ZC4H2: variants seen among roughly 807,000 people sequenced by gnomAD.
ZC4H2 encodes the protein zinc finger C4H2 domain-containing protein.
For synonymous variants in ZC4H2, 84 were observed against 66.3 expected, an observed-to-expected ratio of 1.27 and a Z score of -1.30; for missense variants, 137 against 173.9, an observed-to-expected ratio of 0.79 and a Z score of 1.19.
At chrX:65,005,681 A>T (rs1932640929) in intron 1 of ZC4H2, among the ~76,000 whole-genome samples, 1 of 111,739 alleles carries the variant, frequency 8.9e-6, no homozygotes, top group South Asian at 3.7e-4. Context: ...ACCAAAAGCA[A>T]TGGCAACAAA....
intron 1 of ZC4H2, among the ~76,000 whole-genome samples, chrX:64,938,064 A>G (rs1461925380): frequency 8.9e-6 from 1 of 112,173 alleles, no homozygotes; most frequent in African/African-American, 3.2e-5. Flanking sequence ...GAAAAGACAG[A>G]AGAATCAAAT....
chrX:64,960,134 G>A (rs1931322066), intron 1 of ZC4H2, among the ~76,000 whole-genome samples: 1 of 110,930 alleles, frequency 9.0e-6, no homozygotes, highest in African/African-American at 3.3e-5. Flanking sequence ...TTCATGCCTA[G>A]ATAAATATTC....
intron 1 of ZC4H2, among the ~76,000 whole-genome samples, chrX:64,992,867 A>G (rs191645164): frequency 9.0e-6 from 1 of 111,718 alleles, no homozygotes; most frequent in East Asian, 2.8e-4. Flanking sequence ...CTGGAGCAGA[A>G]TCTTCCCAAA....
At position 64,917,637 on chromosome X, in the gene ZC4H2, G is replaced by T; in HGVS notation, c.*146C>A. ...ATCCCAAGAGCAGAAAGAAATAGGA[G>T]CAAAGTGAGAGAGGGGTTGTGCTTC... is the stretch of plus-strand genomic sequence containing the variant. On this transcript the variant is annotated 3_prime_UTR_variant, in exon 5 of 5. Transcript: ENST00000374839. 1.1e-6 allele frequency: 1 copy of T among 872,622 alleles called. No homozygotes were observed. Among genetic ancestry groups the T allele is most frequent in the Non-Finnish European group, 1.6e-6 (1 of 638,274 alleles). The allele number at this position is 872,622 out of a possible 1,213,427, so 71.9% of individuals were successfully genotyped here. A position where few individuals can be genotyped will look rare whatever the true frequency, so the allele number is the denominator to read the frequency against.
intron 1 of ZC4H2, among the ~76,000 whole-genome samples, chrX:65,022,965 T>A (rs1932848294): frequency 9.0e-6 from 1 of 111,459 alleles, no homozygotes; most frequent in Non-Finnish European, 1.9e-5. Context: ...GATCAGATGG[T>A]TGTAGATGTG....
intron 1 of ZC4H2, among the ~76,000 whole-genome samples, chrX:64,954,699 A>G (rs1373294448): frequency 9.2e-6 from 1 of 108,821 alleles, no homozygotes; most frequent in Non-Finnish European, 1.9e-5. Context: ...CTATAAAATC[A>G]TATCATTTGG....
intron 1 of ZC4H2, among the ~76,000 whole-genome samples, chrX:64,954,390 TTA>T (rs200900040): frequency 2.8e-4 from 20 of 72,143 alleles, no homozygotes; most frequent in Admixed American, 5.8e-4. Flanking sequence ...ATATTTATAA[TTA>T]TATATATATA....
chrX:64,952,971 G>C (rs1462299848), intron 1 of ZC4H2, among the ~76,000 whole-genome samples: 1 of 111,624 alleles, frequency 9.0e-6, no homozygotes, highest in Admixed American at 9.5e-5. Context: ...TACCAAAACA[G>C]AGATATAGAC....
In ZC4H2 at chrX:64,919,152, T is replaced by C; in HGVS notation, c.451A>G (p.Ile151Val). ...GCTGCAGCGGCCAGGGACTCAGGGA[T>C]GGGGGGCTCCTGAGGTTCTGTCTGC... Reference protein sequence around the residue: ...EWQTEPQEPPIPESLAAAAAA... With the variant: ...EWQTEPQEPPVPESLAAAAAA... Residue 151 changes from isoleucine to valine, a missense_variant, in exon 4 of 5, where the codon ATC (isoleucine) becomes GTC (valine). By Grantham distance (29) the Ile-to-Val change is conservative. Coordinates refer to ENST00000374839, the MANE Select transcript of ZC4H2 (RefSeq NM_018684.4). 3 of 1,210,470 alleles carry C rather than the reference T, an allele frequency of 2.5e-6. No homozygotes were observed. The highest frequency in any genetic ancestry group is 2.2e-6 in the Non-Finnish European group (2 of 894,841).
At chrX:65,002,361 C>T (rs976935730) in intron 1 of ZC4H2, among the ~76,000 whole-genome samples, 3 of 108,836 alleles carry the variant, frequency 2.8e-5, no homozygotes, top group Admixed American at 9.5e-5. Flanking sequence ...AGGGGGTCAG[C>T]CCCCGCCCGG....
At chrX:64,972,228 G>C (rs1931805307) in intron 1 of ZC4H2, among the ~76,000 whole-genome samples, 1 of 111,672 alleles carries the variant, frequency 9.0e-6, no homozygotes, top group African/African-American at 3.3e-5. Flanking sequence ...TGGGAGGAAA[G>C]ACAGGGGTAG....
chrX:64,945,365 G>C (rs1165663098), intron 1 of ZC4H2, among the ~76,000 whole-genome samples: 1 of 111,956 alleles, frequency 8.9e-6, no homozygotes, highest in African/African-American at 3.3e-5. Context: ...GGAGTTTGCT[G>C]GTGGTCCACT....
At chrX:65,015,307 A>G (rs1395726167) in intron 1 of ZC4H2, among the ~76,000 whole-genome samples, 1 of 112,060 alleles carries the variant, frequency 8.9e-6, no homozygotes, top group Non-Finnish European at 1.9e-5. Flanking sequence ...ACACTGAATC[A>G]GACACACTCT....
chrX:65,024,481 A>G (rs1301084675), intron 1 of ZC4H2, among the ~76,000 whole-genome samples: 1 of 111,849 alleles, frequency 8.9e-6, no homozygotes, highest in Admixed American at 9.5e-5. Flanking sequence ...GATGTCTCAA[A>G]GAAGTTAAGG....
rs1351289360 is a variant in ZC4H2, at chrX:64,917,123, G to T, written c.*660C>A. 4.5e-5 allele frequency: 5 copies of T among 111,899 alleles called. No homozygotes were observed. Among genetic ancestry groups the T allele is most frequent in the Admixed American group, 9.5e-5 (1 of 10,500 alleles). The allele number at this position is 111,899 out of a possible 1,213,427, so 9.2% of individuals were successfully genotyped here. On this transcript the variant is annotated 3_prime_UTR_variant, in exon 5 of 5. Transcript: ENST00000374839. ...TTGCAAAGACTAGATATTGGGGAAA[G>T]GTTCATTGATCTTAAGATCCCAAGA...
At chrX:65,012,328 T>C (rs1386170245) in intron 1 of ZC4H2, among the ~76,000 whole-genome samples, 3 of 108,309 alleles carry the variant, frequency 2.8e-5, no homozygotes, top group African/African-American at 1.0e-4. Context: ...TTAAGTCACA[T>C]GCTTTAAAAA....
chrX:64,986,950 C>T (rs1237957080), intron 1 of ZC4H2, among the ~76,000 whole-genome samples: 2 of 82,559 alleles, frequency 2.4e-5, no homozygotes, highest in East Asian at 3.7e-4. Flanking sequence ...TTTTATGAGA[C>T]GGAGTCTCAC....
intron 1 of ZC4H2, among the ~76,000 whole-genome samples, chrX:64,991,450 C>A (rs1602442095): frequency 9.0e-6 from 1 of 111,425 alleles, no homozygotes; most frequent in Non-Finnish European, 1.9e-5. Flanking sequence ...GTGGTGCGAG[C>A]CTGTAAATCC....
intron 1 of ZC4H2, among the ~76,000 whole-genome samples, chrX:64,948,466 CA>C (rs1325513758): frequency 1.8e-5 from 2 of 111,593 alleles, no homozygotes; most frequent in South Asian, 3.7e-4. Flanking sequence ...CTAAGTTCAT[CA>C]GGGGAATCTG....
Sources: allele counts gnomAD v4.1 joint callset (sites outside exome capture counted in the v4.1 genomes callset), GRCh38; gene constraint gnomAD v4.1.1; transcripts MANE v1.5; gene names NCBI Gene and HGNC (gene_info 2026-07-23, HGNC 2026-07-21).